Variants in FAM120B observed in about 807,000 individuals in gnomAD.
The protein encoded by FAM120B is constitutive coactivator of peroxisome proliferator-activated receptor gamma.
A neutral mutation model predicts 96.3 loss-of-function variants in FAM120B; 83 were observed. That is an observed-to-expected ratio of 0.86 (90% CI 0.72 to 1.03). The LOEUF is 1.03. Among genes scored for constraint, FAM120B ranks in the 50% least tolerant of loss-of-function variants. The pLI is 0.00. For missense variants in FAM120B, 1,027 were observed against 1,121.2 expected (o/e 0.92, Z 1.20); for synonymous variants, 407 against 402.7 (o/e 1.01, Z -0.13).
Position 170,363,220 on chromosome 6 carries a change from T to C in FAM120B, c.2283+4902T>C, listed in dbSNP as rs3734770. ...CTGAGAACTCCATGAGCTGGTACCTTAGCCACTTTTTCTAGTGCCTCATAG... is the reference window on the plus strand; with the variant it reads ...CTGAGAACTCCATGAGCTGGTACCTCAGCCACTTTTTCTAGTGCCTCATAG... On this transcript the variant is annotated intron_variant, in intron 6 of 10. Transcript: ENST00000476287. This position sits in a 1 kb window ranked among gnomAD's most constrained non-coding sequence, Gnocchi z 4.5. 0.01 allele frequency among the ~76,000 whole-genome samples: 1,570 copies of C among 152,326 alleles called. 68 individuals carry two copies. The East Asian group carries it at 0.11, about 10-fold the overall frequency.
At chr6:170,378,398 G>A (rs1385564152) in intron 6 of FAM120B, among the ~76,000 whole-genome samples, 1 of 152,182 alleles carries the variant, frequency 6.6e-6, no homozygotes, top group Non-Finnish European at 1.5e-5. Context: ...CTAGAAGGAT[G>A]TGTAACTCAG....
chr6:170,376,158 C>T (rs775850183), intron 6 of FAM120B, among the ~76,000 whole-genome samples: 9 of 152,016 alleles, frequency 5.9e-5, no homozygotes, highest in Non-Finnish European at 1.0e-4. Context: ...GGAGGAGGCC[C>T]TAGTGTGGTT....
At position 170,323,265 on chromosome 6, in the gene FAM120B, A is replaced by G. The variant is rs1432482345; in HGVS notation, c.1915+6A>G. On this transcript the variant is annotated splice_donor_region_variant and intron_variant, in intron 3 of 10. Coordinates refer to ENST00000476287, the MANE Select transcript of FAM120B (RefSeq NM_032448.3). ...CTTACTGGAGGACTGTCAAGGTGAG[A>G]ATTGGTTGGTCCCTCTTAGTAAAGG... 18 of 1,610,148 alleles carry G rather than the reference A, an allele frequency of 1.1e-5. No individual in the cohort carries two copies. The highest frequency in any genetic ancestry group is 1.4e-5 in the Non-Finnish European group (17 of 1,178,186).
intron 4 of FAM120B, among the ~76,000 whole-genome samples, chr6:170,336,432 C>G (rs927059547): frequency 2.0e-5 from 3 of 152,188 alleles, no homozygotes; most frequent in African/African-American, 7.2e-5. Context: ...GTTTTGGTTA[C>G]TGTAGCCTTG....
chr6:170,402,803 C>G (rs144782150), intron 9 of FAM120B, among the ~76,000 whole-genome samples: 70 of 152,332 alleles, frequency 4.6e-4, no homozygotes, highest in Middle Eastern at 6.8e-3. Flanking sequence ...TTTACCACTT[C>G]TGTTCTGGTC....
chr6:170,296,200 G>A (rs1454200304), intron 1 of FAM120B, among the ~76,000 whole-genome samples: 1 of 152,102 alleles, frequency 6.6e-6, no homozygotes, highest in Non-Finnish European at 1.5e-5. Context: ...TGAACGCGCC[G>A]GGACCCGGGG....
intron 7 of FAM120B, among the ~76,000 whole-genome samples, chr6:170,389,321 A>G (rs994213260): frequency 6.6e-6 from 1 of 152,170 alleles, no homozygotes; most frequent in Non-Finnish European, 1.5e-5. Flanking sequence ...TGCATCCATC[A>G]CATGAGACCA....
At chr6:170,362,905 G>A (rs1390978663) in intron 6 of FAM120B, among the ~76,000 whole-genome samples, 4 of 151,676 alleles carry the variant, frequency 2.6e-5, no homozygotes, top group Non-Finnish European at 5.9e-5. Flanking sequence ...GGATGGTCTC[G>A]AACTCCTGAG....
At chr6:170,325,970 C>G (rs6919755) in intron 3 of FAM120B, among the ~76,000 whole-genome samples, 7 of 151,906 alleles carry the variant, frequency 4.6e-5, no homozygotes, top group African/African-American at 1.7e-4. Context: ...AAATAATATA[C>G]TATGTTACTA....
intron 7 of FAM120B, among the ~76,000 whole-genome samples, chr6:170,390,466 G>A (rs577811065): frequency 4.6e-5 from 7 of 151,054 alleles, no homozygotes; most frequent in Admixed American, 1.3e-4. Context: ...GTGATTATAC[G>A]TTCTAGTTTG....
chr6:170,313,586 G>A (rs1191182737), intron 1 of FAM120B, among the ~76,000 whole-genome samples: 6 of 152,172 alleles, frequency 3.9e-5, no homozygotes, highest in African/African-American at 1.4e-4. Flanking sequence ...CAAACATTGT[G>A]ATGTTATATG....
chr6:170,330,533 T>C lies in FAM120B; in HGVS notation c.2000T>C (p.Leu667Pro). Residue 667 changes from leucine to proline, a missense_variant, in exon 4 of 11, where the codon CTG becomes CCG. Physicochemically the swap from Leu to Pro is moderately conservative, Grantham distance 98. Around this residue, in one of 3 missense-constraint regions of FAM120B, gnomAD observed 880 missense variants for 980.9 expected, o/e 0.90. Coordinates refer to ENST00000476287, the MANE Select transcript of FAM120B (RefSeq NM_032448.3). Reference protein sequence around the residue: ...PLRHPDLVRPLQMTIPGGTPS... With the variant: ...PLRHPDLVRPPQMTIPGGTPS... ...AGGCACCCGGACCTCGTCAGGCCGC[T>C]GCAGATGACCATTCCAGGTACAGGC... The C allele has an allele frequency of 6.2e-7, 1 of 1,613,972 alleles. No individual in the cohort carries two copies. The highest frequency in any genetic ancestry group is 2.2e-5 in the East Asian group (1 of 44,888).
rs1471101731 is a variant in FAM120B at position 170,370,833 on chromosome 6, A to G, written c.2283+12515A>G. Among the ~76,000 whole-genome samples, 2 of 152,172 alleles carry G rather than the reference A, an allele frequency of 1.3e-5. No individual in the cohort carries two copies. The highest frequency in any genetic ancestry group is 3.9e-4 in the East Asian group (2 of 5,194). On this transcript the variant is annotated intron_variant, in intron 6 of 10. Coordinates refer to ENST00000476287, the MANE Select transcript of FAM120B (RefSeq NM_032448.3). The surrounding 1 kb of genome is among the most constrained non-coding windows in gnomAD (Gnocchi z 4.3). ...TTCTTCATTATGCTGAGGTCTCAGGATGGTTGTGCGTCTCTAACAGACGGG... is the reference window on the plus strand; with the variant it reads ...TTCTTCATTATGCTGAGGTCTCAGGGTGGTTGTGCGTCTCTAACAGACGGG...
rs190455772 is a variant in FAM120B at position 170,350,806 on chromosome 6, C to G, written c.2190+2483C>G. On this transcript the variant is annotated intron_variant, in intron 5 of 10. Transcript: ENST00000476287. ...GGATAGGGTTAGAGATCTCAAAGAT[C>G]AAAGATAGATAAGCCTACAAACATG... Among the ~76,000 whole-genome samples the G allele has an allele frequency of 2.8e-3, 427 of 152,284 alleles. 1 individual carries two copies. The highest frequency in any genetic ancestry group is 0.027 in the Middle Eastern group (8 of 294).
At chr6:170,360,338 T>C (rs1036713454) in intron 6 of FAM120B, among the ~76,000 whole-genome samples, 1 of 152,212 alleles carries the variant, frequency 6.6e-6, no homozygotes, top group Non-Finnish European at 1.5e-5. Flanking sequence ...CTGTTCTTCG[T>C]AGGCATTTAG....
intron 6 of FAM120B, among the ~76,000 whole-genome samples, chr6:170,376,516 A>C: frequency 6.6e-6 from 1 of 152,142 alleles, no homozygotes. Flanking sequence ...CGTTAGAGGA[A>C]TGGTAGAGCA....
chr6:170,305,595 T>A (rs1456071414), upstream of FAM120B, among the ~76,000 whole-genome samples: 1 of 152,382 alleles, frequency 6.6e-6, no homozygotes, highest in Admixed American at 6.5e-5. Context: ...CCAGGGCTTA[T>A]AGCTGCCTTG....
At chr6:170,401,639 G>A (rs1053873077) in intron 9 of FAM120B, among the ~76,000 whole-genome samples, 2 of 152,162 alleles carry the variant, frequency 1.3e-5, no homozygotes, top group South Asian at 2.1e-4. Flanking sequence ...GCTACTGATA[G>A]GAAGCAGAAA....
chr6:170,391,968 C>T (rs1790504984), intron 8 of FAM120B, among the ~76,000 whole-genome samples: 1 of 152,224 alleles, frequency 6.6e-6, no homozygotes, highest in African/African-American at 2.4e-5. Flanking sequence ...GAATCTTCCA[C>T]TACTACATAG....
Sources: gnomAD v4.1 joint callset for allele counts (sites outside exome capture counted in the v4.1 genomes callset) on GRCh38, gnomAD v4.1.1 for gene constraint, gnomAD v4.1.1 regional missense constraint, Gnocchi (gnomAD v3.1) non-coding constraint, MANE v1.5 for transcripts, NCBI Gene and HGNC (gene_info 2026-07-23, HGNC 2026-07-21) for gene names.